Variants in UBE2L3 observed in about 807,000 individuals in gnomAD.
UBE2L3 encodes the protein ubiquitin conjugating enzyme E2 L3, also known as ubiquitin-conjugating enzyme E2 L3.
Under a neutral mutation model 17.8 loss-of-function variants are expected in UBE2L3, and 1 was observed. The ratio of observed to expected loss-of-function variants is 0.06; its 90% CI spans 0.02 to 0.27. The LOEUF (loss-of-function observed/expected upper bound fraction) is 0.27. UBE2L3 is among the 10% of genes least tolerant of loss of function. The probability of loss-of-function intolerance (pLI) is 1.00; values close to 1 mark genes in which losing one functional copy is unlikely to be tolerated. For missense variants in UBE2L3, 40 were observed against 192.6 expected (o/e 0.21, Z 4.69); for synonymous variants, 44 against 68.5 (o/e 0.64, Z 1.76).
intron 1 of UBE2L3, among the ~76,000 whole-genome samples, chr22:21,575,829 A>G (rs1927258993): frequency 6.6e-6 from 1 of 150,832 alleles, no homozygotes; most frequent in South Asian, 2.1e-4. Context: ...TTTTTAGTAG[A>G]GACGGGGTTT....
intron 1 of UBE2L3, among the ~76,000 whole-genome samples, chr22:21,570,038 C>G (rs1926872140): frequency 6.6e-6 from 1 of 152,210 alleles, no homozygotes; most frequent in Admixed American, 6.5e-5. Flanking sequence ...ACTCTGTGAG[C>G]CCGTGCTCCC....
chr22:21,591,414 G>GT (rs1202649951), intron 1 of UBE2L3, among the ~76,000 whole-genome samples: 6 of 152,230 alleles, frequency 3.9e-5, no homozygotes, highest in Admixed American at 6.5e-5. Flanking sequence ...GGAGCACCCT[G>GT]TGGGGGGAAA....
chr22:21,605,140 A>T (rs1929078932), intron 2 of UBE2L3, among the ~76,000 whole-genome samples: 1 of 151,956 alleles, frequency 6.6e-6, no homozygotes, highest in African/African-American at 2.4e-5. Flanking sequence ...AGCTAATTTA[A>T]AAAAATTGTT....
chr22:21,605,932 G>C (rs1929134152), intron 2 of UBE2L3, among the ~76,000 whole-genome samples: 1 of 152,234 alleles, frequency 6.6e-6, no homozygotes, highest in Admixed American at 6.5e-5. Flanking sequence ...GCCTCCCAAA[G>C]TGTTGGGATT....
At chr22:21,577,779 C>T (rs181362) in intron 1 of UBE2L3, among the ~76,000 whole-genome samples, 47,063 of 152,098 alleles carry the variant, frequency 0.31, 8,423 homozygotes, top group East Asian at 0.51. Context: ...CTGTATTTCA[C>T]TTTCTTGTCA....
At chr22:21,599,643 G>A (rs1270432349) in intron 2 of UBE2L3, among the ~76,000 whole-genome samples, 3 of 152,190 alleles carry the variant, frequency 2.0e-5, no homozygotes, top group Non-Finnish European at 4.4e-5. Context: ...AAAAATATAG[G>A]CAGTGTGAGG....
At chr22:21,583,326 C>T (rs549633570) in intron 1 of UBE2L3, among the ~76,000 whole-genome samples, 7 of 152,318 alleles carry the variant, frequency 4.6e-5, no homozygotes, top group East Asian at 1.9e-4. Context: ...CCTAGAGCAG[C>T]GTTTCTCAGT....
At chr22:21,619,034 A>G (rs1929920147) in intron 3 of UBE2L3, among the ~76,000 whole-genome samples, 1 of 152,168 alleles carries the variant, frequency 6.6e-6, no homozygotes, top group Non-Finnish European at 1.5e-5. Context: ...CTAATGCGGT[A>G]GTAATTCTCC....
At chr22:21,589,022 G>T (rs570660222) in intron 1 of UBE2L3, among the ~76,000 whole-genome samples, 2 of 152,100 alleles carry the variant, frequency 1.3e-5, no homozygotes, top group Non-Finnish European at 2.9e-5. Context: ...TTGAATTCCT[G>T]GGCTCAAGCA....
At chr22:21,620,505 A>G (rs969400022) in intron 3 of UBE2L3, among the ~76,000 whole-genome samples, 1 of 152,108 alleles carries the variant, frequency 6.6e-6, no homozygotes, top group Non-Finnish European at 1.5e-5. Context: ...GAACATTCTG[A>G]GGGTGCTGGT....
intron 1 of UBE2L3, among the ~76,000 whole-genome samples, chr22:21,582,167 A>G (rs1049812318): frequency 4.0e-5 from 6 of 151,756 alleles, no homozygotes; most frequent in African/African-American, 1.5e-4. Flanking sequence ...GTTCAGAACA[A>G]CGTCTGGGTT....
intron 1 of UBE2L3, among the ~76,000 whole-genome samples, chr22:21,590,921 G>T (rs79997258): frequency 6.6e-6 from 1 of 152,100 alleles, no homozygotes; most frequent in Non-Finnish European, 1.5e-5. Flanking sequence ...TGAGCCAGGC[G>T]CTGGCAGGAC....
intron 1 of UBE2L3, among the ~76,000 whole-genome samples, chr22:21,575,793 G>A (rs867249974): frequency 2.7e-5 from 4 of 150,576 alleles, no homozygotes; most frequent in African/African-American, 4.9e-5. Flanking sequence ...ACAGATATGC[G>A]CCACCATACC....
At chr22:21,556,948 G>T (rs1290097565) in intron 1 of UBE2L3, among the ~76,000 whole-genome samples, 3 of 152,260 alleles carry the variant, frequency 2.0e-5, no homozygotes, top group Admixed American at 6.5e-5. Flanking sequence ...CAGCTACTCG[G>T]GAGGCTGAGG....
intron 2 of UBE2L3, among the ~76,000 whole-genome samples, chr22:21,595,881 T>C (rs1345674889): frequency 2.6e-5 from 4 of 152,144 alleles, no homozygotes; most frequent in Non-Finnish European, 4.4e-5. Flanking sequence ...TTTCTTTTTT[T>C]TCTTTTTAAT....
At chr22:21,591,927 C>A (rs545954347) in intron 1 of UBE2L3, among the ~76,000 whole-genome samples, 3 of 152,060 alleles carry the variant, frequency 2.0e-5, no homozygotes, top group Non-Finnish European at 1.5e-5. Flanking sequence ...GTTGGCGAGG[C>A]TGGTGTTCTG....
chr22:21,610,472 G>A (rs4821112), intron 2 of UBE2L3, among the ~76,000 whole-genome samples: 33,362 of 152,108 alleles, frequency 0.22, 4,423 homozygotes, highest in East Asian at 0.51. Flanking sequence ...AGGTTCATTG[G>A]TGGTAACAAA....
At chr22:21,601,789 G>T (rs1928873629) in intron 2 of UBE2L3, among the ~76,000 whole-genome samples, 1 of 151,668 alleles carries the variant, frequency 6.6e-6, no homozygotes, top group African/African-American at 2.4e-5. Context: ...GGCTAACACG[G>T]TGAAACCCTG....
intron 1 of UBE2L3, among the ~76,000 whole-genome samples, chr22:21,575,576 G>A (rs1165798976): frequency 1.4e-5 from 2 of 145,104 alleles, no homozygotes; most frequent in East Asian, 4.2e-4. Flanking sequence ...GTGATAGAGC[G>A]AGACTCTCGA....
Sources: gnomAD v4.1 joint callset for allele counts (sites outside exome capture counted in the v4.1 genomes callset) on GRCh38, gnomAD v4.1.1 for gene constraint, MANE v1.5 for transcripts, NCBI Gene and HGNC (gene_info 2026-07-23, HGNC 2026-07-21) for gene names.